The following PTGER3 variants were observed in gnomAD, a reference collection of about 807,000 sequenced individuals.
PTGER3 encodes the protein prostaglandin E receptor 3.
A neutral mutation model predicts 34.7 loss-of-function variants in PTGER3; 22 were observed. The observed-to-expected ratio is 0.63, with a 90% confidence interval of 0.45 to 0.91. PTGER3 has a LOEUF of 0.91. PTGER3 is among the 40% of genes least tolerant of loss of function. The pLI is 0.00. For missense variants in PTGER3, 468 were observed against 519.4 expected, an observed-to-expected ratio of 0.90 and a Z score of 0.96; for synonymous variants, 241 against 230.1, an observed-to-expected ratio of 1.05 and a Z score of -0.43.
At chr1:70,965,378 A>C (rs1344388030) in intron 2 of PTGER3, among the ~76,000 whole-genome samples, 1 of 152,172 alleles carries the variant, frequency 6.6e-6, no homozygotes, top group African/African-American at 2.4e-5. Context: ...CTGTTACTGA[A>C]GCAATGCAGA....
At chr1:71,010,962 G>C in intron 2 of PTGER3, 1 of 985,658 alleles carries the variant, frequency 1.0e-6, no homozygotes, top group Non-Finnish European at 1.2e-6. Context: ...TAGAAAAGCA[G>C]TGCAAGAAAC....
intron 4 of PTGER3, among the ~76,000 whole-genome samples, chr1:70,910,064 T>G (rs1321644982): frequency 6.6e-6 from 1 of 152,226 alleles, no homozygotes; most frequent in Non-Finnish European, 1.5e-5. Context: ...CAGTAATCAT[T>G]GCATGTTACT....
chr1:70,953,867 G>A, intron 2 of PTGER3: 1 of 619,316 alleles, frequency 1.6e-6, no homozygotes. Flanking sequence ...AACCACAGAT[G>A]ATGTTCAATG....
intron 3 of PTGER3, chr1:70,953,178 G>T (rs1447270488): frequency 3.5e-6 from 3 of 847,512 alleles, no homozygotes; most frequent in Non-Finnish European, 5.0e-6. Context: ...CATTTACATT[G>T]TATTAGGCAT....
At chr1:70,928,425 G>A (rs949098574) in intron 4 of PTGER3, among the ~76,000 whole-genome samples, 62 of 151,856 alleles carry the variant, frequency 4.1e-4, no homozygotes, top group Non-Finnish European at 8.1e-4. Flanking sequence ...TTCAGCCCAG[G>A]AGTTTGAGAC....
At chr1:71,045,390 T>G (rs1218081189) in intron 1 of PTGER3, among the ~76,000 whole-genome samples, 1 of 152,224 alleles carries the variant, frequency 6.6e-6, no homozygotes, top group Non-Finnish European at 1.5e-5. Flanking sequence ...AAAAACTGCG[T>G]TCACGTGTTT....
intron 4 of PTGER3, among the ~76,000 whole-genome samples, chr1:70,911,491 G>A (rs1182248410): frequency 1.3e-5 from 2 of 152,056 alleles, no homozygotes; most frequent in African/African-American, 4.8e-5. Context: ...TAGGTTTTTT[G>A]TCTGTTCATA....
In PTGER3 at chr1:71,040,116, GAAA is replaced by G. The variant is rs540790551; in HGVS notation, c.897+6562_897+6564del. 5.0e-5 allele frequency among the ~76,000 whole-genome samples: 6 copies of G among 119,040 alleles called. No individual in the cohort carries two copies. The South Asian group carries it at 1.1e-3, about 21-fold the overall frequency. The allele number at this position is 119,040 out of a possible 152,430, so 78.1% of individuals were successfully genotyped here. Reference sequence around the variant, plus strand: ...AGAAAGAAGGAAAGAAAGAAAGAAAGAAAAAAAAGAAAGAGAAAGAGAGAAAGA... The same window carrying G: ...AGAAAGAAGGAAAGAAAGAAAGAAAGAAAAAGAAAGAGAAAGAGAGAAAGA... On this transcript the variant is annotated intron_variant, in intron 1 of 3. Coordinates refer to ENST00000306666, the MANE Select transcript of PTGER3 (RefSeq NM_198719.2).
At chr1:71,042,291 C>T (rs1224189900) in intron 1 of PTGER3, among the ~76,000 whole-genome samples, 2 of 150,064 alleles carry the variant, frequency 1.3e-5, no homozygotes, top group Non-Finnish European at 3.0e-5. Flanking sequence ...GGTTTTGGGA[C>T]ACACTTGCTC....
intron 4 of PTGER3, among the ~76,000 whole-genome samples, chr1:70,853,664 A>G (rs573996024): frequency 3.9e-5 from 6 of 152,190 alleles, no homozygotes; most frequent in Non-Finnish European, 5.9e-5. Flanking sequence ...ATACCATCTG[A>G]TATTTGCTGA....
intron 4 of PTGER3, among the ~76,000 whole-genome samples, chr1:70,919,516 A>G (rs1179674143): frequency 6.6e-6 from 1 of 152,176 alleles, no homozygotes; most frequent in African/African-American, 2.4e-5. Context: ...TTAGATTTTA[A>G]TCACCAATCT....
intron 1 of PTGER3, among the ~76,000 whole-genome samples, chr1:71,017,528 C>A (rs779130078): frequency 5.3e-5 from 8 of 152,076 alleles, no homozygotes; most frequent in Non-Finnish European, 1.0e-4. Context: ...AATTCTAATC[C>A]TCAGTGTTGG....
chr1:70,876,253 G>C (rs1646269780), intron 4 of PTGER3, among the ~76,000 whole-genome samples: 1 of 147,286 alleles, frequency 6.8e-6, no homozygotes. Context: ...GACACAGTCT[G>C]TTCATGTCCA....
intron 4 of PTGER3, among the ~76,000 whole-genome samples, chr1:70,945,291 T>C (rs539510725): frequency 1.3e-5 from 2 of 152,270 alleles, no homozygotes; most frequent in African/African-American, 4.8e-5. Flanking sequence ...ACCCGTGTTG[T>C]TCTTACAGCT....
chr1:71,000,366 G>A (rs768528026), intron 2 of PTGER3, among the ~76,000 whole-genome samples: 1 of 152,156 alleles, frequency 6.6e-6, no homozygotes, highest in Non-Finnish European at 1.5e-5. Flanking sequence ...GATAACATAC[G>A]AAAAGTGTAG....
chr1:70,869,458 C>T (rs998782727), intron 4 of PTGER3: 4 of 298,652 alleles, frequency 1.3e-5, no homozygotes, highest in African/African-American at 8.9e-5. Context: ...CTCAATAGTA[C>T]CCCCAAATCT....
At chr1:70,991,791 T>C (rs1232769385) in intron 2 of PTGER3, among the ~76,000 whole-genome samples, 1 of 152,030 alleles carries the variant, frequency 6.6e-6, no homozygotes, top group Non-Finnish European at 1.5e-5. Context: ...TAATTATTTA[T>C]GAGATATGAG....
chr1:71,047,002 C>T lies in PTGER3; in HGVS notation c.576G>A (p.Pro192=). The stretch of plus-strand genomic sequence containing the variant: ...CGGTGTACTGGCCCACGCCCAGCAC[C>T]GGCAGCAGGGCGAAGGCGAGCACGG... ...WLAVLAFALL[P]VLGVGQYTVQ... The change falls in exon 1 of 4, where the codon CCG becomes CCA. Residue 192 remains proline (P), a synonymous_variant. Transcript: ENST00000306666. 1 of 1,611,468 alleles carries T rather than the reference C, an allele frequency of 6.2e-7. No individual in the cohort carries two copies. The highest frequency in any genetic ancestry group is 1.3e-5 in the African/African-American group (1 of 75,040).
downstream of PTGER3, among the ~76,000 whole-genome samples, chr1:70,967,306 A>C (rs2100657339): frequency 6.6e-6 from 1 of 152,134 alleles, no homozygotes; most frequent in African/African-American, 2.4e-5. Flanking sequence ...TATTCATCAC[A>C]TTTTTATTGA....
Sources: gnomAD v4.1 joint callset for allele counts (sites outside exome capture counted in the v4.1 genomes callset) on GRCh38, gnomAD v4.1.1 for gene constraint, MANE v1.5 for transcripts, NCBI Gene and HGNC (gene_info 2026-07-23, HGNC 2026-07-21) for gene names.